The following AFF1 variants were observed in gnomAD, a reference collection of about 807,000 sequenced individuals.
AFF1 encodes the protein AF4/FMR2 family member 1.
Under a neutral mutation model 121.7 loss-of-function variants are expected in AFF1, and 48 were observed. That is an observed-to-expected ratio of 0.39 (90% CI 0.31 to 0.50). AFF1 has a LOEUF of 0.50. AFF1 is among the 20% of genes least tolerant of loss of function. AFF1 has a pLI of 0.76. For missense variants in AFF1, 1,523 were observed against 1,511.7 expected (o/e 1.01, Z -0.12); for synonymous variants, 613 against 563.0 (o/e 1.09, Z -1.26).
At chr4:87,089,364 C>T (rs1185286588) in intron 5 of AFF1, among the ~76,000 whole-genome samples, 1 of 152,088 alleles carries the variant, frequency 6.6e-6, no homozygotes, top group Admixed American at 6.6e-5. Context: ...GAAATCTTTC[C>T]TTCAACTGAG....
chr4:87,125,971 C>T (rs910412679), intron 13 of AFF1, 128 bp from the exon 14 acceptor site: 3 of 932,482 alleles, frequency 3.2e-6, no homozygotes, highest in Non-Finnish European at 5.0e-6. Context: ...GAAATTTGGC[C>T]TGTTTACACA....
chr4:87,057,039 A>G (rs888545273), intron 4 of AFF1, among the ~76,000 whole-genome samples: 3 of 152,208 alleles, frequency 2.0e-5, no homozygotes, highest in African/African-American at 7.2e-5. Context: ...CACAGTCTTA[A>G]CCACAACACC....
rs1368039524 is a variant in AFF1 at position 86,982,869 on chromosome 4, AAAAAAAG to A, written c.38+34299_38+34305del. Among the ~76,000 whole-genome samples the A allele has an allele frequency of 5.4e-5, 8 of 146,820 alleles. 1 individual carries two copies. The highest frequency in any genetic ancestry group is 1.8e-4 in the African/African-American group (7 of 38,958). On this transcript the variant is annotated intron_variant, in intron 2 of 20. Coordinates refer to ENST00000395146, the MANE Select transcript of AFF1 (RefSeq NM_001166693.3). ...TCTCCAAAAAAAAAAAAAAAAAAAAAAAAAAAGGAAGCTTGTTTGCCCCTTCCACTGT... is the reference window on the plus strand; with the variant it reads ...TCTCCAAAAAAAAAAAAAAAAAAAAAGAAGCTTGTTTGCCCCTTCCACTGT...
At chr4:87,056,666 A>G (rs1332072242) in intron 4 of AFF1, among the ~76,000 whole-genome samples, 1 of 152,220 alleles carries the variant, frequency 6.6e-6, no homozygotes, top group Admixed American at 6.5e-5. Flanking sequence ...CATTCTGTCA[A>G]CAAATATTTG....
At chr4:86,994,196 T>C (rs1350801150) in intron 2 of AFF1, among the ~76,000 whole-genome samples, 5 of 152,224 alleles carry the variant, frequency 3.3e-5, no homozygotes, top group African/African-American at 1.2e-4. Context: ...TAAACAAACA[T>C]TTGTTTTCTT....
chr4:87,124,688 T>C (rs1258834114), intron 12 of AFF1, among the ~76,000 whole-genome samples: 1 of 152,200 alleles, frequency 6.6e-6, no homozygotes, highest in Non-Finnish European at 1.5e-5. Context: ...AATATGCATG[T>C]TTTGTGGATT....
In AFF1 at chr4:86,990,923, G is replaced by C. The variant is rs941711048; in HGVS notation, c.38+42352G>C. On this transcript the variant is annotated intron_variant, in intron 2 of 20. Coordinates refer to ENST00000395146, the MANE Select transcript of AFF1 (RefSeq NM_001166693.3). ...TCCCAGCACTTTCGGAGGCCGAGGT[G>C]GGTGGATCACCTGAGGTCAGGAGTT... is the stretch of plus-strand genomic sequence containing the variant. 4.7e-5 allele frequency among the ~76,000 whole-genome samples: 7 copies of C among 148,570 alleles called. 1 individual carries two copies. The highest frequency in any genetic ancestry group is 1.3e-4 in the Admixed American group (2 of 14,900).
chr4:87,082,678 C>T (rs563071396), intron 4 of AFF1, among the ~76,000 whole-genome samples: 12 of 152,302 alleles, frequency 7.9e-5, no homozygotes, highest in Non-Finnish European at 1.3e-4. Context: ...ATCTGCCCGC[C>T]TCGGCCTCCC....
chr4:87,036,489 G>A (rs1280446047), intron 2 of AFF1, among the ~76,000 whole-genome samples: 32 of 152,062 alleles, frequency 2.1e-4, no homozygotes, highest in South Asian at 2.1e-4. Context: ...TTTAAAATAT[G>A]TTTGGAAGAT....
chr4:87,047,636 C>G, intron 4 of AFF1, 42 bp downstream of exon 4: 1 of 1,611,904 alleles, frequency 6.2e-7, no homozygotes, highest in Non-Finnish European at 8.5e-7. Flanking sequence ...AATTCGAAGA[C>G]GGATTTGAGA....
chr4:87,019,888 G>GGC (rs1553918034), intron 2 of AFF1, among the ~76,000 whole-genome samples: 100 of 41,456 alleles, frequency 2.4e-3, no homozygotes, highest in Non-Finnish European at 6.1e-3. Context: ...AGGGGTCGGG[G>GGC]GGGGGCAGTC....
At chr4:87,101,725 T>C (rs1015120585) in intron 8 of AFF1, among the ~76,000 whole-genome samples, 2 of 152,220 alleles carry the variant, frequency 1.3e-5, no homozygotes, top group African/African-American at 4.8e-5. Context: ...ACATACTTGT[T>C]AGTGGTTCCC....
At chr4:87,058,685 A>G (rs1199300633) in intron 4 of AFF1, among the ~76,000 whole-genome samples, 1 of 152,184 alleles carries the variant, frequency 6.6e-6, no homozygotes, top group African/African-American at 2.4e-5. Context: ...TTCCCAACTG[A>G]AAGAGCAAAA....
chr4:86,964,495 G>T (rs2149471990), intron 2 of AFF1, among the ~76,000 whole-genome samples: 1 of 149,368 alleles, frequency 6.7e-6, no homozygotes, highest in African/African-American at 2.5e-5. Flanking sequence ...GAGTGCAATG[G>T]TGCAACCTCT....
rs137893463 is a variant in AFF1, at chr4:87,115,206, G to C, written c.2373G>C (p.Arg791Ser). The C allele has an allele frequency of 6.2e-7, 1 of 1,614,102 alleles. No individual in the cohort carries two copies. The highest frequency in any genetic ancestry group is 2.2e-5 in the East Asian group (1 of 44,886). ...PQPPGKGSRQ[R>S]KAEDKQPPAG... Reference sequence around the variant, plus strand: ...CTCCCGGGAAGGGGAGCCGCCAGAGGAAAGCAGAAGATAAACAGCCGCCCG... The same window carrying C: ...CTCCCGGGAAGGGGAGCCGCCAGAGCAAAGCAGAAGATAAACAGCCGCCCG... Residue 791 changes from arginine (R) to serine (S), a missense_variant, in exon 12 of 21, where the codon AGG (arginine) becomes AGC (serine). By Grantham distance (110) the Arg-to-Ser change is moderately radical. This residue lies in a region of AFF1 where 905 missense variants were observed against 842.5 expected (regional missense o/e 1.07). Coordinates refer to ENST00000395146, the MANE Select transcript of AFF1 (RefSeq NM_001166693.3).
chr4:87,000,603 CTCTGTGTGTGTG>C (rs778732460), intron 2 of AFF1, among the ~76,000 whole-genome samples: 12 of 76,756 alleles, frequency 1.6e-4, no homozygotes, highest in Non-Finnish European at 3.1e-4. Context: ...AAAAAATAAA[CTCTGTGTGTGTG>C]TGTGTGTGTG....
chr4:86,995,248 A>G (rs1395253767), intron 2 of AFF1, among the ~76,000 whole-genome samples: 1 of 151,034 alleles, frequency 6.6e-6, no homozygotes, highest in Non-Finnish European at 1.5e-5. Context: ...ACAAACAGGC[A>G]GTTAGAAAAA....
intron 3 of AFF1, 131 bp downstream of exon 3, chr4:87,046,417 T>C (rs755849482): frequency 1.3e-5 from 17 of 1,319,504 alleles, no homozygotes; most frequent in Non-Finnish European, 1.8e-5. Flanking sequence ...TTCTAACTTA[T>C]TCTAGAGATT....
intron 12 of AFF1, among the ~76,000 whole-genome samples, chr4:87,116,285 G>A (rs1159270461): frequency 6.6e-6 from 1 of 152,310 alleles, no homozygotes; most frequent in African/African-American, 2.4e-5. Context: ...AAGATTGTCT[G>A]TTACTTGAAC....
Sources: gnomAD v4.1 joint callset for allele counts (sites outside exome capture counted in the v4.1 genomes callset) on GRCh38, gnomAD v4.1.1 for gene constraint, gnomAD v4.1.1 regional missense constraint, MANE v1.5 for transcripts, NCBI Gene and HGNC (gene_info 2026-07-23, HGNC 2026-07-21) for gene names.